Variants in TMEM108 observed in about 807,000 individuals in gnomAD.
The protein encoded by TMEM108 is cancer/testis antigen 124.
TMEM108 carries 12 observed loss-of-function variants against 35.1 expected under a neutral mutation model. That is an observed-to-expected ratio of 0.34 (90% CI 0.22 to 0.55). The LOEUF (loss-of-function observed/expected upper bound fraction) is 0.55. TMEM108 is among the 20% of genes least tolerant of loss of function. The pLI, the probability that TMEM108 is intolerant of heterozygous loss-of-function variation, is 0.89. For synonymous variants in TMEM108, 287 were observed against 308.6 expected (o/e 0.93, Z 0.73); for missense variants, 680 against 753.3 (o/e 0.90, Z 1.14).
At chr3:133,263,719 C>A (rs1946657145) in intron 3 of TMEM108, among the ~76,000 whole-genome samples, 1 of 152,216 alleles carries the variant, frequency 6.6e-6, no homozygotes, top group South Asian at 2.1e-4. Flanking sequence ...TCAAAACTTG[C>A]AGGCAGCATT....
intron 3 of TMEM108, among the ~76,000 whole-genome samples, chr3:133,327,717 C>G (rs2071348065): frequency 6.6e-6 from 1 of 152,048 alleles, no homozygotes; most frequent in African/African-American, 2.4e-5. Flanking sequence ...AGGGATCCCA[C>G]CTTTCTGAAT....
intron 2 of TMEM108, among the ~76,000 whole-genome samples, chr3:133,112,855 T>C (rs1944242483): frequency 6.6e-6 from 1 of 152,188 alleles, no homozygotes; most frequent in Admixed American, 6.6e-5. Flanking sequence ...AGAATCACCA[T>C]GCTATGCAAA....
At chr3:133,327,262 C>A (rs981578433) in intron 3 of TMEM108, among the ~76,000 whole-genome samples, 4 of 152,220 alleles carry the variant, frequency 2.6e-5, no homozygotes, top group Admixed American at 2.6e-4. Flanking sequence ...TGTCAGAGCA[C>A]TGGGCTTTCT....
intron 2 of TMEM108, among the ~76,000 whole-genome samples, chr3:133,052,347 G>T (rs1030479483): frequency 6.6e-6 from 1 of 151,886 alleles, no homozygotes; most frequent in Non-Finnish European, 1.5e-5. Context: ...CTGCAACCTT[G>T]TTATAATTGC....
At chr3:133,285,734 C>T (rs545594759) in intron 3 of TMEM108, among the ~76,000 whole-genome samples, 14 of 152,256 alleles carry the variant, frequency 9.2e-5, no homozygotes, top group Middle Eastern at 3.4e-3. Context: ...TCACTTTAGT[C>T]CCTTTTTCCT....
chr3:133,329,198 GT>G (rs2071365250), intron 3 of TMEM108, among the ~76,000 whole-genome samples: 1 of 152,006 alleles, frequency 6.6e-6, no homozygotes, highest in African/African-American at 2.4e-5. Flanking sequence ...CAGGCTTATG[GT>G]TTGTGTGGTA....
chr3:133,117,760 G>A (rs149484162), intron 2 of TMEM108, among the ~76,000 whole-genome samples: 78 of 152,222 alleles, frequency 5.1e-4, no homozygotes, highest in Middle Eastern at 3.4e-3. Flanking sequence ...GGGTTTGATT[G>A]GGTGCACCGG....
At chr3:133,171,266 G>C (rs1356719531) in intron 2 of TMEM108, among the ~76,000 whole-genome samples, 1 of 152,148 alleles carries the variant, frequency 6.6e-6, no homozygotes, top group Non-Finnish European at 1.5e-5. Flanking sequence ...TATCAGTTTT[G>C]CTTAAGGATG....
intron 2 of TMEM108, among the ~76,000 whole-genome samples, chr3:133,163,543 A>G (rs1291309446): frequency 6.6e-6 from 1 of 152,162 alleles, no homozygotes; most frequent in Non-Finnish European, 1.5e-5. Flanking sequence ...GGAAGGAGAG[A>G]TGCTCTTGTT....
At chr3:133,249,383 A>AAGGG (rs950019146) in intron 3 of TMEM108, among the ~76,000 whole-genome samples, 5 of 152,172 alleles carry the variant, frequency 3.3e-5, no homozygotes, top group Non-Finnish European at 7.3e-5. Flanking sequence ...AAAAGCTTTG[A>AAGGG]AGGGGTTGAG....
intron 2 of TMEM108, among the ~76,000 whole-genome samples, chr3:133,132,579 C>G (rs777841851): frequency 6.6e-6 from 1 of 152,112 alleles, no homozygotes; most frequent in South Asian, 2.1e-4. Flanking sequence ...TACACATGGT[C>G]ACCCAAAAGC....
At chr3:133,232,029 C>T (rs1278731195) in intron 3 of TMEM108, among the ~76,000 whole-genome samples, 1 of 152,122 alleles carries the variant, frequency 6.6e-6, no homozygotes, top group Non-Finnish European at 1.5e-5. Flanking sequence ...CCCTACCACA[C>T]ACAGGAAAAA....
intron 2 of TMEM108, among the ~76,000 whole-genome samples, chr3:133,194,742 C>T (rs1004801396): frequency 3.9e-5 from 6 of 152,192 alleles, no homozygotes; most frequent in Admixed American, 6.5e-5. Flanking sequence ...TTTAGATCTC[C>T]TTCCTGGTTT....
chr3:133,309,232 T>A (rs182467395), intron 3 of TMEM108, among the ~76,000 whole-genome samples: 1 of 152,316 alleles, frequency 6.6e-6, no homozygotes, highest in East Asian at 1.9e-4. Flanking sequence ...TTTTATTGCG[T>A]CTATTTGATT....
At chr3:133,196,770 T>C (rs1009078384) in intron 2 of TMEM108, among the ~76,000 whole-genome samples, 5 of 152,194 alleles carry the variant, frequency 3.3e-5, no homozygotes, top group Non-Finnish European at 7.3e-5. Flanking sequence ...TCAGTGACTT[T>C]TGTCCTCTTT....
At chr3:133,073,530 A>ATATG (rs1943704196) in intron 2 of TMEM108, among the ~76,000 whole-genome samples, 1 of 132,014 alleles carries the variant, frequency 7.6e-6, no homozygotes, top group Non-Finnish European at 1.6e-5. Flanking sequence ...ATATATATAT[A>ATATG]TATATCACAT....
intron 3 of TMEM108, among the ~76,000 whole-genome samples, chr3:133,244,930 G>A (rs1946364448): frequency 6.6e-6 from 1 of 152,118 alleles, no homozygotes. Context: ...ATATGAGAGT[G>A]GGTTGGCTAG....
chr3:133,169,635 T>C (rs951120995), intron 2 of TMEM108, among the ~76,000 whole-genome samples: 2 of 152,140 alleles, frequency 1.3e-5, no homozygotes, highest in Non-Finnish European at 2.9e-5. Context: ...TCATTTCCCA[T>C]GTAACTCCAG....
chr3:133,089,508 G>A (rs74512435), intron 2 of TMEM108, among the ~76,000 whole-genome samples: 1,737 of 152,234 alleles, frequency 0.011, 21 homozygotes, highest in Non-Finnish European at 0.015. Flanking sequence ...TGTGCCTCAT[G>A]GACTCATGTG....
Sources: gnomAD v4.1 joint callset for allele counts (sites outside exome capture counted in the v4.1 genomes callset) on GRCh38, gnomAD v4.1.1 for gene constraint, MANE v1.5 for transcripts, NCBI Gene and HGNC (gene_info 2026-07-23, HGNC 2026-07-21) for gene names.